Variants in RYR2 observed in about 807,000 individuals in gnomAD.
The protein encoded by RYR2 is cardiac muscle ryanodine receptor-calcium release channel.
RYR2 carries 227 observed loss-of-function variants against 601.1 expected under a neutral mutation model. The ratio of observed to expected loss-of-function variants is 0.38; its 90% CI spans 0.34 to 0.42. The LOEUF (loss-of-function observed/expected upper bound fraction) is 0.42. Ranked by LOEUF, RYR2 falls within the 10% of genes least tolerant of loss-of-function variation. RYR2 has a pLI of 1.00. For synonymous variants in RYR2, 2,223 were observed against 2,175.1 expected, an observed-to-expected ratio of 1.02 and a Z score of -0.61; for missense variants, 4,646 against 6,156.5, an observed-to-expected ratio of 0.75 and a Z score of 8.21.
intron 103 of RYR2, 134 bp downstream of exon 103, chr1:237,830,764 A>G: frequency 1.8e-6 from 1 of 545,328 alleles, no homozygotes; most frequent in Non-Finnish European, 3.3e-6. Flanking sequence ...AGAAAGTCCA[A>G]CAGCTAATGG....
In RYR2 at chr1:237,369,555, C is replaced by A. The variant is rs770848098; in HGVS notation, c.331C>A (p.Arg111=). The change falls in exon 6 of 105, where the codon CGA becomes AGA. Residue 111 remains arginine (R), a synonymous_variant. Coordinates refer to ENST00000366574, the MANE Select transcript of RYR2 (RefSeq NM_001035.3). The part of the protein sequence containing the change: ...MMKTAQGGGH[R]TLLYGHAILL... Reference sequence around the variant, plus strand: ...AAAGACTGCTCAAGGTGGTGGTCATCGAACACTCCTCTACGGACATGCCAT... The same window carrying A: ...AAAGACTGCTCAAGGTGGTGGTCATAGAACACTCCTCTACGGACATGCCAT... The A allele has an allele frequency of 1.3e-6, 2 of 1,564,414 alleles. No individual in the cohort carries two copies.
intron 1 of RYR2, among the ~76,000 whole-genome samples, chr1:237,129,622 G>GAT (rs994967319): frequency 1.6e-4 from 24 of 150,980 alleles, no homozygotes; most frequent in African/African-American, 4.4e-4. Context: ...TAAAGTATGA[G>GAT]ATATATATAT....
chr1:237,533,319 G>GT (rs1052800386), intron 25 of RYR2, among the ~76,000 whole-genome samples: 14 of 152,066 alleles, frequency 9.2e-5, no homozygotes, highest in African/African-American at 1.4e-4. Context: ...AAATGTTGGG[G>GT]TTTTTTAACA....
intron 1 of RYR2, among the ~76,000 whole-genome samples, chr1:237,064,788 A>G (rs1663347968): frequency 1.1e-5 from 1 of 90,028 alleles, no homozygotes; most frequent in African/African-American, 5.2e-5. Flanking sequence ...TTTTTACTAG[A>G]TCCTGTCTTG....
At chr1:237,055,632 A>G (rs1409127654) in intron 1 of RYR2, among the ~76,000 whole-genome samples, 2 of 152,162 alleles carry the variant, frequency 1.3e-5, no homozygotes, top group Non-Finnish European at 2.9e-5. Flanking sequence ...GGAAATCAGG[A>G]GGAAGGGGAG....
chr1:237,161,493 T>G (rs1676013158), intron 1 of RYR2, among the ~76,000 whole-genome samples: 1 of 148,304 alleles, frequency 6.7e-6, no homozygotes. Flanking sequence ...AAATTGTCTC[T>G]AAGAATGCTG....
At chr1:237,390,845 C>T (rs1365688315) in intron 10 of RYR2, among the ~76,000 whole-genome samples, 1 of 152,070 alleles carries the variant, frequency 6.6e-6, no homozygotes, top group African/African-American at 2.4e-5. Flanking sequence ...TGTAATTAGA[C>T]CAGCCTATCA....
In RYR2 at chr1:237,503,374, C is replaced by T. The variant is rs794728698; in HGVS notation, c.2482C>T (p.Pro828Ser). The change falls in exon 22 of 105, where the codon CCA becomes TCA. Residue 828 changes from proline (P) to serine (S), a missense_variant. Coordinates refer to ENST00000366574, the MANE Select transcript of RYR2 (RefSeq NM_001035.3). ...TGCTCCTTGTTATGAAGCTGTTCTG[C>T]CAAAAGAAAAGTTGAAAGTGGAACA... is the stretch of plus-strand genomic sequence containing the variant. ...GYAPCYEAVL[P>S]KEKLKVEHSR... The T allele has an allele frequency of 1.3e-5, 21 of 1,613,842 alleles. No individual in the cohort carries two copies. The highest frequency in any genetic ancestry group is 1.8e-5 in the Non-Finnish European group (21 of 1,179,864).
At chr1:237,685,384 A>G (rs1440244391) in intron 62 of RYR2, among the ~76,000 whole-genome samples, 1 of 152,166 alleles carries the variant, frequency 6.6e-6, no homozygotes, top group Non-Finnish European at 1.5e-5. Context: ...AGAGATTGTC[A>G]AGTCCTTTTT....
intron 24 of RYR2, among the ~76,000 whole-genome samples, 168 bp from the exon 25 acceptor site, chr1:237,530,259 C>G (rs563910652): frequency 1.2e-4 from 18 of 150,980 alleles, no homozygotes; most frequent in Non-Finnish European, 2.4e-4. Flanking sequence ...TGCAGTGAGC[C>G]GAGATCGCGC....
intron 101 of RYR2, among the ~76,000 whole-genome samples, chr1:237,824,228 AG>A (rs1482950613): frequency 6.6e-6 from 1 of 152,226 alleles, no homozygotes; most frequent in African/African-American, 2.4e-5. Flanking sequence ...CAACAAAAAA[AG>A]AAAATTTCAG....
intron 1 of RYR2, among the ~76,000 whole-genome samples, chr1:237,174,781 A>G (rs1333426191): frequency 6.6e-6 from 1 of 152,220 alleles, no homozygotes; most frequent in Admixed American, 6.5e-5. Flanking sequence ...GCTGTTAGAA[A>G]TACTCCAACA....
At chr1:237,811,713 C>G (rs1661274528) in intron 100 of RYR2, among the ~76,000 whole-genome samples, 1 of 152,140 alleles carries the variant, frequency 6.6e-6, no homozygotes, top group African/African-American at 2.4e-5. Context: ...GGGGAAAAAG[C>G]TTTCAACTCA....
intron 1 of RYR2, among the ~76,000 whole-genome samples, chr1:237,047,512 C>A (rs962917579): frequency 1.3e-4 from 20 of 151,764 alleles, no homozygotes; most frequent in African/African-American, 4.8e-4. Context: ...TTGCTCCCCT[C>A]CTGCAGAAGT....
At chr1:237,828,637 G>A (rs991107464) in intron 102 of RYR2, among the ~76,000 whole-genome samples, 192 bp downstream of exon 102, 7 of 152,288 alleles carry the variant, frequency 4.6e-5, no homozygotes, top group Middle Eastern at 3.4e-3. Context: ...TGTGGTGGAC[G>A]CCACATGCAT....
intron 27 of RYR2, among the ~76,000 whole-genome samples, chr1:237,557,341 G>T (rs1194831399): frequency 1.3e-5 from 2 of 152,202 alleles, no homozygotes; most frequent in Non-Finnish European, 2.9e-5. Flanking sequence ...TTGAATGGAG[G>T]TGTACTCAAG....
intron 12 of RYR2, among the ~76,000 whole-genome samples, chr1:237,436,454 CTTTT>C (rs551140501): frequency 0.072 from 3,523 of 48,712 alleles, 279 homozygotes; most frequent in African/African-American, 0.3. Flanking sequence ...TGTGATTTTC[CTTTT>C]TTTTTTTTTT....
chr1:237,374,661 A>C, intron 6 of RYR2, 56 bp from the exon 7 acceptor site: 1 of 1,447,240 alleles, frequency 6.9e-7, no homozygotes, highest in Non-Finnish European at 9.6e-7. Flanking sequence ...TGTCTCAAAC[A>C]CAAACAACAG....
At chr1:237,658,195 C>T (rs961989851) in intron 54 of RYR2, among the ~76,000 whole-genome samples, 173 bp downstream of exon 54, 5 of 152,016 alleles carry the variant, frequency 3.3e-5, no homozygotes, top group African/African-American at 1.2e-4. Flanking sequence ...CTAGCTCTAT[C>T]ATTAACACAA....
Sources: gnomAD v4.1 joint callset for allele counts (sites outside exome capture counted in the v4.1 genomes callset) on GRCh38, gnomAD v4.1.1 for gene constraint, MANE v1.5 for transcripts, NCBI Gene and HGNC (gene_info 2026-07-23, HGNC 2026-07-21) for gene names.